The following SHISA9 variants were observed in gnomAD, a reference collection of about 807,000 sequenced individuals.
SHISA9 encodes the protein shisa family member 9.
SHISA9 carries 13 observed loss-of-function variants against 38.0 expected under a neutral mutation model. The observed-to-expected ratio is 0.34, with a 90% CI of 0.22 to 0.54. SHISA9 has a LOEUF of 0.54. Ranked by LOEUF, SHISA9 falls within the 20% of genes least tolerant of loss-of-function variation. The pLI, the probability that SHISA9 is intolerant of heterozygous loss-of-function variation, is 0.91. For synonymous variants in SHISA9, 275 were observed against 242.0 expected (o/e 1.14, Z -1.27); for missense variants, 538 against 575.8 (o/e 0.93, Z 0.67).
chr16:13,054,556 TCTC>T (rs1342796762), intron 2 of SHISA9, among the ~76,000 whole-genome samples: 16 of 152,322 alleles, frequency 1.1e-4, no homozygotes, highest in African/African-American at 3.1e-4. Context: ...TCTATTATAA[TCTC>T]CTTTTAAACA....
At chr16:12,953,894 CA>C (rs2141780023) in intron 2 of SHISA9, among the ~76,000 whole-genome samples, 1 of 152,244 alleles carries the variant, frequency 6.6e-6, no homozygotes, top group Admixed American at 6.5e-5. Flanking sequence ...GGAAGTGCCA[CA>C]CTTTAAAACC....
chr16:13,080,351 C>T (rs935243580), intron 2 of SHISA9, among the ~76,000 whole-genome samples: 17 of 152,032 alleles, frequency 1.1e-4, no homozygotes, highest in Non-Finnish European at 2.2e-4. Context: ...TCAGCCTGGG[C>T]GATAGAGTGA....
At chr16:13,078,377 T>C (rs960806924) in intron 2 of SHISA9, among the ~76,000 whole-genome samples, 4 of 152,040 alleles carry the variant, frequency 2.6e-5, no homozygotes, top group Non-Finnish European at 5.9e-5. Flanking sequence ...ATTTGTATTA[T>C]TTTTTATTGT....
the SHISA9 span, among the ~76,000 whole-genome samples, chr16:13,311,939 A>G: frequency 1.3e-5 from 2 of 152,220 alleles, no homozygotes; most frequent in Non-Finnish European, 2.9e-5. Flanking sequence ...TGCCTGTAAC[A>G]TATTAAAATT....
chr16:13,329,280 C>G, the SHISA9 span, among the ~76,000 whole-genome samples: 1 of 152,226 alleles, frequency 6.6e-6, no homozygotes, highest in African/African-American at 2.4e-5. Flanking sequence ...AGCGAGAGAG[C>G]TGTTCTCCTT....
intron 1 of SHISA9, among the ~76,000 whole-genome samples, chr16:12,907,925 A>T (rs1426496590): frequency 6.6e-6 from 1 of 152,178 alleles, no homozygotes. Context: ...CTGTTATGTT[A>T]ACTGCAGCCT....
chr16:13,225,255 T>A (rs545450284), intron 4 of SHISA9, among the ~76,000 whole-genome samples: 1 of 152,174 alleles, frequency 6.6e-6, no homozygotes, highest in African/African-American at 2.4e-5. Flanking sequence ...AGCCTTCAGA[T>A]GGAGCATGGC....
At chr16:13,051,153 T>C (rs980763437) in intron 2 of SHISA9, among the ~76,000 whole-genome samples, 12 of 152,230 alleles carry the variant, frequency 7.9e-5, no homozygotes, top group Non-Finnish European at 1.3e-4. Context: ...CTAGGTAATT[T>C]GTAAAAGAAA....
At chr16:13,360,292 C>A in the SHISA9 span, among the ~76,000 whole-genome samples, 2 of 152,188 alleles carry the variant, frequency 1.3e-5, no homozygotes, top group African/African-American at 4.8e-5. Context: ...ACTTCAGTTC[C>A]CCACTGTGTT....
chr16:12,994,650 C>T (rs1485024574), intron 2 of SHISA9, among the ~76,000 whole-genome samples: 1 of 152,176 alleles, frequency 6.6e-6, no homozygotes, highest in Admixed American at 6.5e-5. Context: ...CTATAGTTGA[C>T]TCACTGTGGT....
At chr16:12,964,544 C>A (rs1266943427) in intron 2 of SHISA9, among the ~76,000 whole-genome samples, 1 of 152,004 alleles carries the variant, frequency 6.6e-6, no homozygotes, top group Admixed American at 6.6e-5. Context: ...GAGCTCAGCC[C>A]CTAGGAAGTT....
intron 2 of SHISA9, among the ~76,000 whole-genome samples, chr16:13,107,035 CTAA>C (rs965326539): frequency 6.6e-6 from 1 of 151,254 alleles, no homozygotes; most frequent in Non-Finnish European, 1.5e-5. Context: ...GTTTTTGCTA[CTAA>C]TGAGTTAAAT....
chr16:13,548,596 A>G, the SHISA9 span, among the ~76,000 whole-genome samples: 1 of 152,190 alleles, frequency 6.6e-6, no homozygotes, highest in Non-Finnish European at 1.5e-5. Flanking sequence ...GGCTACAAAT[A>G]TACTTTTTTA....
At chr16:13,226,015 G>A (rs979778114) in intron 4 of SHISA9, among the ~76,000 whole-genome samples, 4 of 152,174 alleles carry the variant, frequency 2.6e-5, no homozygotes, top group African/African-American at 9.7e-5. Flanking sequence ...ATCTGCCCAC[G>A]AGGTACCGGG....
intron 2 of SHISA9, among the ~76,000 whole-genome samples, chr16:13,147,844 C>T (rs540205443): frequency 6.6e-6 from 1 of 152,110 alleles, no homozygotes; most frequent in Non-Finnish European, 1.5e-5. Context: ...TTTTGGACAC[C>T]TCCACCGGGT....
chr16:13,281,559 CTGTTT>C, the SHISA9 span, among the ~76,000 whole-genome samples: 2 of 146,492 alleles, frequency 1.4e-5, no homozygotes, highest in Admixed American at 6.7e-5. Context: ...TCTCATTCCT[CTGTTT>C]TTTTTTTTCT....
At chr16:13,142,847 G>A (rs78506106) in intron 2 of SHISA9, among the ~76,000 whole-genome samples, 2,137 of 152,076 alleles carry the variant, frequency 0.014, 41 homozygotes, top group African/African-American at 0.047. Context: ...CATGATTCAG[G>A]ATGCTATAGA....
chr16:13,119,745 A>G (rs1435669123), intron 2 of SHISA9, among the ~76,000 whole-genome samples: 2 of 152,186 alleles, frequency 1.3e-5, no homozygotes, highest in Non-Finnish European at 2.9e-5. Context: ...GCCCTAGAGG[A>G]CTGTTCGATG....
the SHISA9 span, among the ~76,000 whole-genome samples, chr16:13,268,074 A>G: frequency 6.6e-6 from 1 of 152,044 alleles, no homozygotes; most frequent in Non-Finnish European, 1.5e-5. Flanking sequence ...CTAGGACCTC[A>G]TCCCTTACTA....
Sources: allele counts gnomAD v4.1 joint callset (sites outside exome capture counted in the v4.1 genomes callset), GRCh38; gene constraint gnomAD v4.1.1; transcripts MANE v1.5; gene names NCBI Gene and HGNC (gene_info 2026-07-23, HGNC 2026-07-21).